The following MPP7 variants were observed in gnomAD, a reference collection of about 807,000 sequenced individuals.
MPP7 encodes the protein MAGUK p55 subfamily member 7.
MPP7 carries 60 observed loss-of-function variants against 76.5 expected under a neutral mutation model. That is an observed-to-expected ratio of 0.78 (90% confidence interval 0.64 to 0.97). The LOEUF (loss-of-function observed/expected upper bound fraction) is 0.97, where lower values mean the gene tolerates loss of function less well. Ranked by LOEUF, MPP7 falls within the 50% of genes least tolerant of loss-of-function variation. The pLI is 0.00. For synonymous variants in MPP7, 237 were observed against 244.5 expected, an observed-to-expected ratio of 0.97 and a Z score of 0.29; for missense variants, 641 against 694.0, an observed-to-expected ratio of 0.92 and a Z score of 0.86.
At chr10:28,152,215 G>A (rs895005841) in intron 3 of MPP7, among the ~76,000 whole-genome samples, 1 of 152,128 alleles carries the variant, frequency 6.6e-6, no homozygotes, top group Non-Finnish European at 1.5e-5. Flanking sequence ...CCAATTGATA[G>A]AGTATCCCAC....
chr10:28,067,080 C>T (rs553422028), intron 13 of MPP7, among the ~76,000 whole-genome samples: 1 of 152,208 alleles, frequency 6.6e-6, no homozygotes, highest in South Asian at 2.1e-4. Flanking sequence ...ATTGCTGGGT[C>T]AAGGGTATGT....
chr10:28,270,006 G>A (rs1021005577), intron 1 of MPP7, among the ~76,000 whole-genome samples: 1 of 152,156 alleles, frequency 6.6e-6, no homozygotes, highest in African/African-American at 2.4e-5. Flanking sequence ...ACAGCAACAT[G>A]GCCGCAGCCA....
intron 3 of MPP7, among the ~76,000 whole-genome samples, chr10:28,166,942 G>A (rs1836485095): frequency 6.6e-6 from 1 of 152,022 alleles, no homozygotes. Context: ...TTGTTCTGCA[G>A]AAAAGCCACA....
rs185508768 is a variant in MPP7 at position 28,128,683 on chromosome 10, G to A, written c.447+2877C>T. 9.9e-5 allele frequency among the ~76,000 whole-genome samples: 15 copies of A among 152,282 alleles called. No individual in the cohort carries two copies. The East Asian group carries it at 2.9e-3, about 29-fold the overall frequency. On this transcript the variant is annotated intron_variant, in intron 6 of 16. Transcript: ENST00000683449. ...ATCAACTAAAAGGGGTTAAGACAAG[G>A]GTGGAACAGATTTGGGGACAAAGAT... is the stretch of plus-strand genomic sequence containing the variant.
intron 14 of MPP7, among the ~76,000 whole-genome samples, chr10:28,058,838 TTAGTC>T (rs1161609761): frequency 6.6e-5 from 10 of 152,174 alleles, no homozygotes; most frequent in Non-Finnish European, 1.0e-4. Flanking sequence ...AAAAAGTACT[TTAGTC>T]TAGTAGGGCT....
intron 1 of MPP7, among the ~76,000 whole-genome samples, chr10:28,282,978 GCA>G (rs1840714711): frequency 6.6e-6 from 1 of 151,846 alleles, no homozygotes; most frequent in Non-Finnish European, 1.5e-5. Flanking sequence ...TGTCAGTTGC[GCA>G]CAGTGGAAAG....
chr10:28,277,323 C>T (rs1840532041), intron 1 of MPP7, among the ~76,000 whole-genome samples: 1 of 150,978 alleles, frequency 6.6e-6, no homozygotes, highest in African/African-American at 2.4e-5. Flanking sequence ...TTGTCTTCAG[C>T]CACACATAAA....
At chr10:28,156,151 G>A (rs1424666980) in intron 3 of MPP7, among the ~76,000 whole-genome samples, 3 of 152,126 alleles carry the variant, frequency 2.0e-5, no homozygotes, top group Non-Finnish European at 2.9e-5. Flanking sequence ...TCCCAATTCC[G>A]CCCCTTACTT....
intron 5 of MPP7, among the ~76,000 whole-genome samples, chr10:28,140,479 TC>T (rs1835480797): frequency 6.6e-6 from 1 of 151,360 alleles, no homozygotes; most frequent in African/African-American, 2.4e-5. Context: ...CCACTGTACG[TC>T]AGCCTGGGCG....
intron 2 of MPP7, among the ~76,000 whole-genome samples, chr10:28,213,243 G>T (rs887526791): frequency 6.6e-6 from 1 of 152,020 alleles, no homozygotes; most frequent in South Asian, 2.1e-4. Flanking sequence ...ACGGGAAGTG[G>T]GGTAAAGAAG....
At chr10:28,262,266 TATATATATATA>T (rs1840010953) in intron 1 of MPP7, among the ~76,000 whole-genome samples, 1 of 62,692 alleles carries the variant, frequency 1.6e-5, no homozygotes, top group Non-Finnish European at 3.1e-5. Context: ...TATGTATATA[TATATATATATA>T]TTTTTTTTTT....
Position 28,120,099 on chromosome 10 carries a change from T to C in MPP7, c.887+95A>G, listed in dbSNP as rs1015273439. 3.0e-6 allele frequency: 4 copies of C among 1,322,550 alleles called. No homozygotes were observed. The African/African-American group carries it at 5.9e-5, about 20-fold the overall frequency. The allele number at this position is 1,322,550 out of a possible 1,614,324, so 81.9% of individuals were successfully genotyped here. ...GATAAAAAATTCTAAGGCAAGGTTT[T>C]ATAGCATATTTTATCACATCAATGC... On this transcript the variant is annotated intron_variant, in intron 10 of 16. Transcript: ENST00000683449.
At chr10:28,325,220 T>A (rs1057047358) in intron 2 of MPP7, among the ~76,000 whole-genome samples, 3 of 152,204 alleles carry the variant, frequency 2.0e-5, no homozygotes, top group Non-Finnish European at 4.4e-5. Flanking sequence ...CTATACAGTA[T>A]GTGGCTTAGC....
At chr10:28,262,206 T>TATATATATAC (rs1564741195) in intron 1 of MPP7, among the ~76,000 whole-genome samples, 1 of 8,442 alleles carries the variant, frequency 1.2e-4, no homozygotes, top group Non-Finnish European at 4.6e-4. Flanking sequence ...TATATATATA[T>TATATATATAC]ACATATATAT....
chr10:28,229,816 G>A (rs937518307), intron 2 of MPP7, among the ~76,000 whole-genome samples: 2 of 151,886 alleles, frequency 1.3e-5, no homozygotes, highest in African/African-American at 4.8e-5. Context: ...GTGAACCCGG[G>A]AGGCGGAGCT....
chr10:28,332,246 CGTGTGTGTGT>C lies in MPP7; in HGVS notation c.-206+2162_-206+2171del, dbSNP rs4018712. ...ACATTGCCAGTTTGTCAAATGTATG[CGTGTGTGTGT>C]GTGTGTGTGTGTGTGTGTGTGTTTA... On this transcript the variant is annotated intron_variant, in intron 1 of 11. Coordinates refer to the MPP7 transcript ENST00000441595. Among the ~76,000 whole-genome samples, 7 of 146,894 alleles carry C rather than the reference CGTGTGTGTGT, an allele frequency of 4.8e-5. No homozygotes were observed. The East Asian group carries it at 1.0e-3, about 22-fold the overall frequency.
At chr10:28,077,429 C>T (rs1040992547) in intron 12 of MPP7, among the ~76,000 whole-genome samples, 17 of 152,144 alleles carry the variant, frequency 1.1e-4, no homozygotes, top group Non-Finnish European at 2.4e-4. Flanking sequence ...AGTGGGCCTA[C>T]AAACAGCATT....
intron 1 of MPP7, among the ~76,000 whole-genome samples, chr10:28,275,599 A>T (rs2133060900): frequency 6.6e-6 from 1 of 151,908 alleles, no homozygotes; most frequent in African/African-American, 2.4e-5. Context: ...TAAAGAAGAC[A>T]TTTCACAGTG....
chr10:28,118,408 T>C, intron 11 of MPP7: 1 of 982,334 alleles, frequency 1.0e-6, no homozygotes, highest in Non-Finnish European at 1.2e-6. Flanking sequence ...CAGATTCGAG[T>C]ATAATTACAT....
Sources: allele counts gnomAD v4.1 joint callset (sites outside exome capture counted in the v4.1 genomes callset), GRCh38; gene constraint gnomAD v4.1.1; transcripts MANE v1.5; gene names NCBI Gene and HGNC (gene_info 2026-07-23, HGNC 2026-07-21).